Variants in ENTREP2 observed in about 807,000 individuals in gnomAD.
ENTREP2 encodes the protein endosomal transmembrane epsin interactor 2, also known as protein ENTREP2.
At chr15:29,347,496 T>C in the ENTREP2 span, among the ~76,000 whole-genome samples, 15 of 152,298 alleles carry the variant, frequency 9.8e-5, no homozygotes, top group African/African-American at 3.6e-4. Flanking sequence ...TTTAAATTTT[T>C]CATCTCTTTT....
the ENTREP2 span, among the ~76,000 whole-genome samples, chr15:29,334,367 A>G: frequency 6.6e-6 from 1 of 152,172 alleles, no homozygotes; most frequent in Non-Finnish European, 1.5e-5. Context: ...TACACAACCC[A>G]GGGCAGGCAG....
the ENTREP2 span, among the ~76,000 whole-genome samples, chr15:29,656,040 A>C: frequency 4.0e-5 from 6 of 151,486 alleles, no homozygotes; most frequent in South Asian, 2.1e-4. Flanking sequence ...AAAAAAAAAA[A>C]AAACAACTAT....
chr15:29,558,063 T>A, the ENTREP2 span, among the ~76,000 whole-genome samples: 1 of 152,188 alleles, frequency 6.6e-6, no homozygotes, highest in Non-Finnish European at 1.5e-5. Flanking sequence ...AGGCAGTCAT[T>A]CTTCAATCAT....
At chr15:29,660,105 A>G in the ENTREP2 span, among the ~76,000 whole-genome samples, 2 of 152,124 alleles carry the variant, frequency 1.3e-5, no homozygotes, top group African/African-American at 4.8e-5. Flanking sequence ...CCCAGCCACC[A>G]CTATGTTTAT....
chr15:29,196,186 A>G, the ENTREP2 span, among the ~76,000 whole-genome samples: 1 of 152,216 alleles, frequency 6.6e-6, no homozygotes, highest in African/African-American at 2.4e-5. Flanking sequence ...TTGCATCCGA[A>G]TTTGCAGATG....
chr15:29,579,977 TG>T, the ENTREP2 span, among the ~76,000 whole-genome samples: 1 of 151,948 alleles, frequency 6.6e-6, no homozygotes, highest in Non-Finnish European at 1.5e-5. Flanking sequence ...CCCAAAGTGC[TG>T]GGATTACAGG....
chr15:29,440,512 A>T, the ENTREP2 span, among the ~76,000 whole-genome samples: 2 of 152,358 alleles, frequency 1.3e-5, no homozygotes, highest in East Asian at 3.9e-4. Flanking sequence ...TAGCATGAAG[A>T]AAATGGTTAC....
the ENTREP2 span, among the ~76,000 whole-genome samples, chr15:29,496,583 T>A: frequency 6.6e-6 from 1 of 152,062 alleles, no homozygotes; most frequent in Admixed American, 6.6e-5. Flanking sequence ...TGTTGAGGCA[T>A]ATTATTTCTA....
the ENTREP2 span, among the ~76,000 whole-genome samples, chr15:29,559,451 A>T: frequency 6.6e-6 from 1 of 152,156 alleles, no homozygotes; most frequent in East Asian, 1.9e-4. Flanking sequence ...TGCTGTAACA[A>T]ATTGCCACAA....
chr15:29,290,200 C>T, the ENTREP2 span, among the ~76,000 whole-genome samples: 2 of 152,298 alleles, frequency 1.3e-5, no homozygotes, highest in Admixed American at 6.5e-5. Context: ...CCCCTGTTGT[C>T]TAGCCTCACC....
At chr15:29,381,952 C>T in the ENTREP2 span, 53 of 884,168 alleles carry the variant, frequency 6.0e-5, no homozygotes, top group Admixed American at 1.5e-4. Flanking sequence ...CACACAGTGG[C>T]GGGGCTACCA....
At chr15:29,153,731 C>G in the ENTREP2 span, among the ~76,000 whole-genome samples, 1 of 152,192 alleles carries the variant, frequency 6.6e-6, no homozygotes, top group Admixed American at 6.5e-5. Flanking sequence ...AAAACTTTGT[C>G]AAGCCCCAGA....
the ENTREP2 span, among the ~76,000 whole-genome samples, chr15:29,263,776 C>T: frequency 6.6e-6 from 1 of 152,106 alleles, no homozygotes; most frequent in Non-Finnish European, 1.5e-5. Context: ...AACCTAGCAA[C>T]CTTGTTTCTG....
At chr15:29,183,312 G>A in the ENTREP2 span, among the ~76,000 whole-genome samples, 20 of 152,164 alleles carry the variant, frequency 1.3e-4, no homozygotes, top group African/African-American at 4.8e-4. Context: ...GAAAGCCTGA[G>A]GACATCGAGA....
the ENTREP2 span, among the ~76,000 whole-genome samples, chr15:29,458,572 C>T: frequency 6.6e-6 from 1 of 152,114 alleles, no homozygotes; most frequent in Non-Finnish European, 1.5e-5. Flanking sequence ...CGATCCCTGC[C>T]CTGGACTTGG....
At chr15:29,475,441 A>AGGGTCCAACC in the ENTREP2 span, among the ~76,000 whole-genome samples, 1 of 152,154 alleles carries the variant, frequency 6.6e-6, no homozygotes, top group Non-Finnish European at 1.5e-5. Context: ...CCAACCTCAG[A>AGGGTCCAACC]GCAGGATCTG....
the ENTREP2 span, among the ~76,000 whole-genome samples, chr15:29,572,391 A>T: frequency 6.6e-6 from 1 of 152,212 alleles, no homozygotes; most frequent in Non-Finnish European, 1.5e-5. Flanking sequence ...GCAGTGCAGC[A>T]CTTTTTAAGA....
chr15:29,246,569 G>A, the ENTREP2 span, among the ~76,000 whole-genome samples: 1,651 of 151,608 alleles, frequency 0.011, 26 homozygotes, highest in African/African-American at 0.032. Flanking sequence ...GCATGGTGGC[G>A]GGCGCCTGTA....
chr15:29,372,889 A>G, the ENTREP2 span, among the ~76,000 whole-genome samples: 1 of 152,310 alleles, frequency 6.6e-6, no homozygotes, highest in East Asian at 1.9e-4. Context: ...AAAAAAAATA[A>G]TATTGGGAAA....
Sources: gnomAD v4.1 joint callset for allele counts (sites outside exome capture counted in the v4.1 genomes callset) on GRCh38, gnomAD v4.1.1 for gene constraint, MANE v1.5 for transcripts, NCBI Gene and HGNC (gene_info 2026-07-23, HGNC 2026-07-21) for gene names.